Variants in ADAMTS19 observed in about 807,000 individuals in gnomAD.
ADAMTS19 encodes the protein ADAM metallopeptidase with thrombospondin type 1 motif 19.
ADAMTS19 carries 93 observed loss-of-function variants against 153.3 expected under a neutral mutation model. That is an observed-to-expected ratio of 0.61 (90% CI 0.51 to 0.72). The LOEUF is 0.72. ADAMTS19 is among the 30% of genes least tolerant of loss of function. ADAMTS19 has a pLI of 0.00. For synonymous variants in ADAMTS19, 600 were observed against 556.6 expected, an observed-to-expected ratio of 1.08 and a Z score of -1.10; for missense variants, 1,482 against 1,552.1, an observed-to-expected ratio of 0.95 and a Z score of 0.76.
chr5:129,718,702 T>G (rs1043698403), intron 21 of ADAMTS19, among the ~76,000 whole-genome samples: 1 of 152,178 alleles, frequency 6.6e-6, no homozygotes, highest in Non-Finnish European at 1.5e-5. Flanking sequence ...CTATTTCTTG[T>G]TAAACCACTT....
chr5:129,637,167 A>G (rs554375936), intron 10 of ADAMTS19, among the ~76,000 whole-genome samples: 70 of 152,302 alleles, frequency 4.6e-4, no homozygotes, highest in Non-Finnish European at 7.6e-4. Flanking sequence ...ATTTTCTTAG[A>G]TGCCCTTTAA....
intron 16 of ADAMTS19, among the ~76,000 whole-genome samples, chr5:129,666,096 A>G (rs892783595): frequency 5.3e-5 from 8 of 151,596 alleles, no homozygotes; most frequent in East Asian, 1.9e-4. Flanking sequence ...CTCTTGCCTC[A>G]TTTTAGGAAA....
chr5:129,735,710 A>C (rs1757637310), intron 22 of ADAMTS19, among the ~76,000 whole-genome samples: 1 of 151,978 alleles, frequency 6.6e-6, no homozygotes, highest in South Asian at 2.1e-4. Context: ...ATATATCCTC[A>C]ATTTCTGTTA....
intron 6 of ADAMTS19, among the ~76,000 whole-genome samples, chr5:129,546,366 C>T (rs1432606254): frequency 6.7e-6 from 1 of 149,702 alleles, no homozygotes; most frequent in Non-Finnish European, 1.5e-5. Context: ...TGCACATGTA[C>T]CCTAAAACTT....
At chr5:129,647,708 C>T (rs910009492) in intron 11 of ADAMTS19, 57 bp from the exon 12 acceptor site, 6 of 1,570,128 alleles carry the variant, frequency 3.8e-6, no homozygotes, top group East Asian at 4.5e-5. Flanking sequence ...TATAGGCCAG[C>T]GAATGATTTT....
At chr5:129,677,116 C>G (rs1754584979) in intron 16 of ADAMTS19, among the ~76,000 whole-genome samples, 1 of 152,064 alleles carries the variant, frequency 6.6e-6, no homozygotes, top group Non-Finnish European at 1.5e-5. Context: ...ATTATTTTAT[C>G]AATTTAGCAT....
At chr5:129,548,628 G>A (rs1752952366) in intron 6 of ADAMTS19, among the ~76,000 whole-genome samples, 1 of 151,704 alleles carries the variant, frequency 6.6e-6, no homozygotes, top group Non-Finnish European at 1.5e-5. Flanking sequence ...CGATTCCTCA[G>A]GGATCTAGAA....
intron 17 of ADAMTS19, 25 bp downstream of exon 17, chr5:129,679,946 T>C (rs773095216): frequency 2.5e-6 from 4 of 1,595,934 alleles, no homozygotes; most frequent in South Asian, 1.1e-5. Flanking sequence ...ATTGATAACA[T>C]GGCATAATCA....
At chr5:129,550,569 T>A (rs993217801) in intron 6 of ADAMTS19, among the ~76,000 whole-genome samples, 2 of 149,590 alleles carry the variant, frequency 1.3e-5, no homozygotes, top group South Asian at 4.2e-4. Context: ...TATATACATA[T>A]GTATACATAT....
chr5:129,588,622 T>C (rs1749939908), intron 7 of ADAMTS19, among the ~76,000 whole-genome samples: 2 of 151,938 alleles, frequency 1.3e-5, no homozygotes, highest in African/African-American at 4.8e-5. Context: ...TATTAAATAC[T>C]ATCAAATACT....
At chr5:129,627,999 T>C (rs1752129245) in intron 10 of ADAMTS19, among the ~76,000 whole-genome samples, 4 of 151,954 alleles carry the variant, frequency 2.6e-5, no homozygotes, top group Admixed American at 2.0e-4. Flanking sequence ...GACACATGCA[T>C]GTGGATGTTC....
intron 2 of ADAMTS19, among the ~76,000 whole-genome samples, chr5:129,484,411 A>T (rs1750522481): frequency 6.6e-6 from 1 of 152,046 alleles, no homozygotes; most frequent in African/African-American, 2.4e-5. Flanking sequence ...TTGCCTATAT[A>T]TTTCCATTCA....
intron 3 of ADAMTS19, among the ~76,000 whole-genome samples, chr5:129,513,370 C>T (rs115933877): frequency 0.027 from 4,045 of 151,896 alleles, 78 homozygotes; most frequent in South Asian, 0.063. Context: ...CAGTGGTGTA[C>T]CTATAGTCCT....
At chr5:129,558,485 A>G (rs796225687) in intron 7 of ADAMTS19, among the ~76,000 whole-genome samples, 7 of 152,256 alleles carry the variant, frequency 4.6e-5, no homozygotes, top group Admixed American at 1.3e-4. Context: ...ATTATAGACT[A>G]TATTACAATT....
chr5:129,681,505 C>T (rs1434743782), intron 17 of ADAMTS19, among the ~76,000 whole-genome samples: 2 of 152,014 alleles, frequency 1.3e-5, no homozygotes, highest in Admixed American at 6.6e-5. Context: ...TTTAATCCCC[C>T]AAATAATCCT....
At chr5:129,674,933 T>C (rs1754489072) in intron 16 of ADAMTS19, among the ~76,000 whole-genome samples, 2 of 152,306 alleles carry the variant, frequency 1.3e-5, no homozygotes, top group South Asian at 2.1e-4. Flanking sequence ...TTTAATAGAG[T>C]AAGTCTCCTG....
intron 10 of ADAMTS19, among the ~76,000 whole-genome samples, chr5:129,640,083 C>A (rs1752725998): frequency 6.6e-6 from 1 of 152,018 alleles, no homozygotes; most frequent in Non-Finnish European, 1.5e-5. Flanking sequence ...TAAGCTAAAC[C>A]ATATCCTAAA....
chr5:129,691,440 A>T (rs1047547177), intron 18 of ADAMTS19, among the ~76,000 whole-genome samples: 1 of 152,150 alleles, frequency 6.6e-6, no homozygotes, highest in Non-Finnish European at 1.5e-5. Context: ...TATGTGCCAC[A>T]GTATTGGATG....
chr5:129,701,660 A>G (rs1255024588), intron 20 of ADAMTS19, 68 bp downstream of exon 20: 21 of 1,529,526 alleles, frequency 1.4e-5, no homozygotes, highest in Admixed American at 4.1e-5. Flanking sequence ...ATCAGGTTGG[A>G]TCATGTTCAG....
Sources: gnomAD v4.1 joint callset for allele counts (sites outside exome capture counted in the v4.1 genomes callset) on GRCh38, gnomAD v4.1.1 for gene constraint, MANE v1.5 for transcripts, NCBI Gene and HGNC (gene_info 2026-07-23, HGNC 2026-07-21) for gene names.